FLNB: variants seen among roughly 807,000 people sequenced by gnomAD.
FLNB encodes the protein filamin B.
FLNB carries 111 observed loss-of-function variants against 250.6 expected under a neutral mutation model. The ratio of observed to expected loss-of-function variants is 0.44; its 90% CI spans 0.38 to 0.52. The LOEUF (loss-of-function observed/expected upper bound fraction) is 0.52. Among genes scored for constraint, FLNB ranks in the 20% least tolerant of loss-of-function variants. The pLI, the probability that FLNB is intolerant of heterozygous loss-of-function variation, is 0.00. For synonymous variants in FLNB, 1,302 were observed against 1,372.1 expected (o/e 0.95, Z 1.13); for missense variants, 2,869 against 3,447.8 (o/e 0.83, Z 4.20).
rs748584384 is a variant in FLNB at position 58,008,832 on chromosome 3, G to A, written c.268G>A (p.Glu90Lys). ...CGTGGCGCTCGAGTTCCTGGACCGT[G>A]AGAGCATCAAGCTCGTGTCCATCGG... Reference protein sequence around the residue: ...VSVALEFLDRESIKLVSIDSK... With the variant: ...VSVALEFLDRKSIKLVSIDSK... Residue 90 changes from glutamate (E) to lysine (K), a missense_variant, in exon 1 of 46, where the codon GAG becomes AAG. Coordinates refer to ENST00000295956, the MANE Select transcript of FLNB (RefSeq NM_001457.4). The A allele has an allele frequency of 6.2e-7, 1 of 1,613,874 alleles. No individual in the cohort carries two copies. The highest frequency in any genetic ancestry group is 8.5e-7 in the Non-Finnish European group (1 of 1,180,028).
intron 11 of FLNB, 51 bp downstream of exon 11, chr3:58,105,267 G>T (rs1220494049): frequency 2.5e-6 from 4 of 1,612,004 alleles, no homozygotes; most frequent in Admixed American, 3.3e-5. Flanking sequence ...GGATTACAGG[G>T]CTTCCGGGCT....
chr3:58,150,693 G>T, intron 38 of FLNB: 2 of 215,904 alleles, frequency 9.3e-6, no homozygotes, highest in South Asian at 7.5e-5. Flanking sequence ...CTTTGGTGGT[G>T]AATTGTTCTT....
At position 58,169,782 on chromosome 3, in the gene FLNB, G is replaced by A. The variant is rs202215191; in HGVS notation, c.7610G>A (p.Cys2537Tyr). ...CAGAAGAGTTCCTTCCTGGTGGACT[G>A]CAGCAAAGCTGGTAGGTGTCTGGGC... The part of the protein sequence containing the change: ...VGQKSSFLVD[C>Y]SKAGSNMLLI... Residue 2537 changes from cysteine to tyrosine, a missense_variant, in exon 45 of 46, where the codon TGC becomes TAC. Physicochemically the swap from Cys to Tyr is radical, Grantham distance 194 (BLOSUM62 -2). Coordinates refer to ENST00000295956, the MANE Select transcript of FLNB (RefSeq NM_001457.4). The surrounding 1 kb of genome is among the most constrained non-coding windows in gnomAD (Gnocchi z 4.8). 46 of 1,582,326 alleles carry A rather than the reference G, an allele frequency of 2.9e-5. No individual in the cohort carries two copies. Among genetic ancestry groups the A allele is most frequent in the Middle Eastern group, 3.4e-4 (2 of 5,926 alleles).
At chr3:58,052,310 G>C (rs1297207205) in intron 1 of FLNB, among the ~76,000 whole-genome samples, 1 of 152,126 alleles carries the variant, frequency 6.6e-6, no homozygotes, top group African/African-American at 2.4e-5. Context: ...CACCATATGA[G>C]GGGACAAGAA....
chr3:58,140,626 T>C (rs977410108), intron 29 of FLNB, among the ~76,000 whole-genome samples: 35 of 152,204 alleles, frequency 2.3e-4, no homozygotes, highest in African/African-American at 7.7e-4. Context: ...TGTTTTTTTT[T>C]GAGACAGAAT....
chr3:58,071,742 A>G (rs2097194916), intron 1 of FLNB, among the ~76,000 whole-genome samples: 3 of 152,186 alleles, frequency 2.0e-5, no homozygotes, highest in African/African-American at 7.2e-5. Flanking sequence ...GTGGTTAATC[A>G]GTAACAACCA....
At chr3:58,112,095 A>C in intron 17 of FLNB, 54 bp from the exon 18 acceptor site, 2 of 1,574,936 alleles carry the variant, frequency 1.3e-6, no homozygotes, top group Non-Finnish European at 1.7e-6. Flanking sequence ...CGGGTTCTCA[A>C]AGTGAAACTA....
chr3:58,087,225 A>C lies in FLNB; in HGVS notation c.787+5449A>C, dbSNP rs930146435. Among the ~76,000 whole-genome samples, 4 of 152,348 alleles carry C rather than the reference A, an allele frequency of 2.6e-5. No homozygotes were observed. The East Asian group carries it at 5.8e-4, about 22-fold the overall frequency. On this transcript the variant is annotated intron_variant, in intron 4 of 45. Coordinates refer to ENST00000295956, the MANE Select transcript of FLNB (RefSeq NM_001457.4). ...TTTGAACACTGAATATTTGACATTA[A>C]GGAATTATTTTTTTTTATATGGTAT... is the stretch of plus-strand genomic sequence containing the variant.
intron 1 of FLNB, among the ~76,000 whole-genome samples, chr3:58,025,112 T>A (rs149599666): frequency 4.0e-4 from 54 of 136,636 alleles, no homozygotes; most frequent in African/African-American, 1.4e-3. Flanking sequence ...TTTTCTTTTT[T>A]CTTTTCTTCT....
intron 1 of FLNB, among the ~76,000 whole-genome samples, chr3:58,058,851 T>A (rs1293994585): frequency 2.0e-5 from 3 of 152,214 alleles, no homozygotes; most frequent in African/African-American, 7.2e-5. Flanking sequence ...GCCAGTTTTA[T>A]AGAATGTAAC....
At chr3:58,015,867 C>T (rs193051771) in intron 1 of FLNB, among the ~76,000 whole-genome samples, 1 of 152,260 alleles carries the variant, frequency 6.6e-6, no homozygotes, top group African/African-American at 2.4e-5. Context: ...AGGGACCTTT[C>T]AGCTAAGACC....
In FLNB at chr3:58,130,589, A is replaced by G. The variant is rs1573890; in HGVS notation, c.4223-152A>G. On this transcript the variant is annotated intron_variant, in intron 24 of 45. Transcript: ENST00000295956. The stretch of plus-strand genomic sequence containing the variant: ...GTGAGAATGGTTGACAACAATGAGT[A>G]GGCACATGAGCAGTGCACACAGTGA... The G allele has an allele frequency of 0.36, 246,702 of 686,732 alleles. 57,830 individuals are homozygous for G. The highest frequency in any genetic ancestry group is 0.98 in the East Asian group (35,847 of 36,490). The allele number at this position is 686,732 out of a possible 1,614,324, so 42.5% of individuals were successfully genotyped here.
At chr3:58,065,221 A>G (rs1718454) in intron 1 of FLNB, among the ~76,000 whole-genome samples, 84,643 of 152,094 alleles carry the variant, frequency 0.56, 26,962 homozygotes, top group African/African-American at 0.88. Context: ...GGAATGACTG[A>G]GTCAGGTGGA....
chr3:58,128,087 A>C (rs971717916), intron 24 of FLNB, among the ~76,000 whole-genome samples: 3 of 152,186 alleles, frequency 2.0e-5, no homozygotes, highest in Non-Finnish European at 4.4e-5. Flanking sequence ...AAAGAGCCTC[A>C]GCGGGGTCTT....
intron 1 of FLNB, among the ~76,000 whole-genome samples, chr3:58,053,017 A>G (rs1213052200): frequency 6.6e-6 from 1 of 152,150 alleles, no homozygotes; most frequent in Non-Finnish European, 1.5e-5. Context: ...CATTCCTGCA[A>G]GGTATAGACA....
chr3:58,126,319 G>T (rs942369596), intron 23 of FLNB, among the ~76,000 whole-genome samples: 5 of 152,134 alleles, frequency 3.3e-5, no homozygotes, highest in African/African-American at 7.2e-5. Flanking sequence ...GACATAGGTT[G>T]CAGTGAGCCG....
chr3:58,168,400 C>A, intron 43 of FLNB, 40 bp from the exon 44 acceptor site: 1 of 1,529,954 alleles, frequency 6.5e-7, no homozygotes, highest in South Asian at 1.1e-5. Context: ...GGAAAGCCCT[C>A]CAAGTCATCA....
intron 38 of FLNB, 90 bp from the exon 39 acceptor site, chr3:58,153,285 T>G: frequency 6.8e-7 from 1 of 1,478,700 alleles, no homozygotes; most frequent in Non-Finnish European, 9.4e-7. Context: ...GCACACACCT[T>G]GCTCTCGGCT....
At chr3:58,112,439 T>C in intron 18 of FLNB, 121 bp downstream of exon 18, 1 of 1,001,812 alleles carries the variant, frequency 1.0e-6, no homozygotes, top group Non-Finnish European at 1.6e-6. Flanking sequence ...TGCTCCCTGA[T>C]GGGAGGCAGC....
Sources: gnomAD v4.1 joint callset for allele counts (sites outside exome capture counted in the v4.1 genomes callset) on GRCh38, gnomAD v4.1.1 for gene constraint, Gnocchi (gnomAD v3.1) non-coding constraint, MANE v1.5 for transcripts, NCBI Gene and HGNC (gene_info 2026-07-23, HGNC 2026-07-21) for gene names.